Variants in CENPI observed in about 807,000 individuals in gnomAD.
CENPI encodes FSH primary response 1.
In CENPI, 4 loss-of-function variants were observed where a neutral mutation model predicts 60.4. That is an observed-to-expected ratio of 0.07 (90% confidence interval 0.03 to 0.15). The LOEUF is 0.15. CENPI is among the 10% of genes least tolerant of loss of function. The pLI is 1.00. For synonymous variants in CENPI, 157 were observed against 189.4 expected, an observed-to-expected ratio of 0.83 and a Z score of 1.40; for missense variants, 444 against 534.5, an observed-to-expected ratio of 0.83 and a Z score of 1.67.
intron 15 of CENPI, among the ~76,000 whole-genome samples, chrX:101,139,903 T>G (rs1023494028): frequency 5.5e-5 from 6 of 108,874 alleles, no homozygotes; most frequent in Non-Finnish European, 1.1e-4. Context: ...GGCACGATCT[T>G]GGCTCACTGC....
Position 101,126,733 on chromosome X carries a change from T to C in CENPI, c.712T>C (p.Leu238=), listed in dbSNP as rs371098181. ...GGGAATGCAGCCTCATCTCCAGGCT[T>C]TGTTGTCACTGTATAAGTTCTTTGC... The part of the protein sequence containing the change: ...KMGMQPHLQA[L]LSLYKFFAPA... Residue 238 remains leucine (L), a synonymous_variant, in exon 9 of 22, where the codon TTG becomes CTG. Coordinates refer to ENST00000682095, the MANE Select transcript of CENPI (RefSeq NM_001386188.2). 187 of 1,207,634 alleles carry C rather than the reference T, an allele frequency of 1.5e-4. No individual in the cohort carries two copies. Among genetic ancestry groups the C allele is most frequent in the Non-Finnish European group, 2.0e-4 (181 of 893,093 alleles).
chrX:101,160,431 A>G (rs1255821010), intron 20 of CENPI, among the ~76,000 whole-genome samples: 3 of 92,024 alleles, frequency 3.3e-5, no homozygotes, highest in African/African-American at 4.3e-5. Context: ...CCCAGGCTGG[A>G]GTGCAGTGGC....
chrX:101,132,150 A>C, intron 13 of CENPI, 40 bp from the exon 14 acceptor site: 1 of 943,206 alleles, frequency 1.1e-6, no homozygotes, highest in Non-Finnish European at 1.5e-6. Context: ...TTATGACTGA[A>C]GAGTTCCATA....
Position 101,164,433 on chromosome X carries a change from G to C in CENPI, c.*1466G>C, listed in dbSNP as rs753363744. 3.2e-4 allele frequency among the ~76,000 whole-genome samples: 36 copies of C among 111,430 alleles called. No homozygotes were observed. Among genetic ancestry groups the C allele is most frequent in the African/African-American group, 1.2e-3 (36 of 30,655 alleles). On this transcript the variant is annotated 3_prime_UTR_variant, in exon 22 of 22. Coordinates refer to ENST00000682095, the MANE Select transcript of CENPI (RefSeq NM_001386188.2). ...CTGCAACCTCTACTTTCTGGTTCAA[G>C]CAATTCTCCTGCCTCAGCCTCACGA...
intron 18 of CENPI, among the ~76,000 whole-genome samples, chrX:101,147,216 A>AT (rs979060113): frequency 1.8e-5 from 2 of 108,157 alleles, no homozygotes; most frequent in African/African-American, 3.4e-5. Flanking sequence ...GCCTCTGTTA[A>AT]TTTTTTTTTT....
chrX:101,160,251 C>T (rs2090094910), intron 20 of CENPI, among the ~76,000 whole-genome samples: 1 of 111,239 alleles, frequency 9.0e-6, no homozygotes, highest in South Asian at 3.8e-4. Context: ...CTCAAAAACC[C>T]AATGATTTGG....
chrX:101,131,392 C>T (rs1393020423), intron 13 of CENPI, among the ~76,000 whole-genome samples: 1 of 110,831 alleles, frequency 9.0e-6, no homozygotes, highest in Admixed American at 9.8e-5. Context: ...TTTAGGTTGA[C>T]GTTTATGTTT....
chrX:101,127,476 T>C, intron 10 of CENPI, 22 bp from the exon 11 acceptor site: 1 of 1,131,747 alleles, frequency 8.8e-7, no homozygotes, highest in Non-Finnish European at 1.2e-6. Context: ...CATTGATAGA[T>C]TATTTTATTA....
chrX:101,139,971 A>T (rs1457429622), intron 15 of CENPI, among the ~76,000 whole-genome samples: 2 of 109,932 alleles, frequency 1.8e-5, no homozygotes, highest in Non-Finnish European at 3.8e-5. Flanking sequence ...AGTAGTTGGG[A>T]CTACAGGCGC....
chrX:101,114,656 T>G (rs2089597064), intron 6 of CENPI, among the ~76,000 whole-genome samples: 1 of 112,379 alleles, frequency 8.9e-6, no homozygotes, highest in Non-Finnish European at 1.9e-5. Context: ...TTTTTCCCCC[T>G]GAGACAGAGT....
chrX:101,135,560 A>G (rs1426248797), intron 15 of CENPI, among the ~76,000 whole-genome samples: 1 of 112,414 alleles, frequency 8.9e-6, no homozygotes, highest in Non-Finnish European at 1.9e-5. Flanking sequence ...AACTGACTGT[A>G]GCAAAATGCA....
intron 6 of CENPI, among the ~76,000 whole-genome samples, chrX:101,117,055 A>T (rs2089630801): frequency 9.0e-6 from 1 of 111,354 alleles, no homozygotes; most frequent in African/African-American, 3.3e-5. Context: ...TAGGGTTGTA[A>T]GAGTTCTTTC....
intron 6 of CENPI, among the ~76,000 whole-genome samples, chrX:101,111,512 A>ATG (rs2089553098): frequency 1.0e-5 from 1 of 99,082 alleles, no homozygotes; most frequent in African/African-American, 3.9e-5. Flanking sequence ...ATTCTTCATT[A>ATG]TGTTCTTCAT....
intron 8 of CENPI, among the ~76,000 whole-genome samples, chrX:101,122,736 C>T (rs1224232137): frequency 5.4e-5 from 6 of 110,617 alleles, no homozygotes; most frequent in Admixed American, 9.7e-5. Flanking sequence ...AATAGCTGGG[C>T]GTGATGGTGG....
chrX:101,111,143 T>G (rs1486634101), intron 6 of CENPI, among the ~76,000 whole-genome samples: 1 of 110,843 alleles, frequency 9.0e-6, no homozygotes, highest in East Asian at 2.8e-4. Flanking sequence ...CACTGAAAAT[T>G]TTTGGCTAGA....
the CENPI span, among the ~76,000 whole-genome samples, chrX:101,172,797 C>T: frequency 9.0e-6 from 1 of 110,755 alleles, no homozygotes; most frequent in Non-Finnish European, 1.9e-5. Context: ...TATTTTAAGT[C>T]CTTTGGAAAT....
intron 4 of CENPI, among the ~76,000 whole-genome samples, 190 bp from the exon 5 acceptor site, chrX:101,109,283 G>T (rs1402890481): frequency 9.1e-6 from 1 of 109,647 alleles, no homozygotes; most frequent in Non-Finnish European, 1.9e-5. Flanking sequence ...GTTTCTCCAT[G>T]TTGGTCGGGC....
chrX:101,178,406 T>TTTTTTTA, the CENPI span, among the ~76,000 whole-genome samples: 1 of 74,848 alleles, frequency 1.3e-5, no homozygotes, highest in Non-Finnish European at 2.6e-5. Context: ...TTCTTTTTTT[T>TTTTTTTA]TTTTTTTTTT....
rs766318302 is a variant in CENPI, at chrX:101,127,221, T to C, written c.861T>C (p.Pro287=). 1 of 1,197,408 alleles carries C rather than the reference T, an allele frequency of 8.4e-7. No homozygotes were observed. Residue 287 remains proline, a synonymous_variant, in exon 10 of 22, where the codon CCT becomes CCC. Coordinates refer to ENST00000682095, the MANE Select transcript of CENPI (RefSeq NM_001386188.2). ...GAAACCGGGGACCTTCTCCAGAACC[T>C]CTGAAGTTGATGTTAGGTCCAGCTA... The part of the protein sequence containing the change: ...KQRNRGPSPE[P]LKLMLGPANV...
Sources: gnomAD v4.1 joint callset for allele counts (sites outside exome capture counted in the v4.1 genomes callset) on GRCh38, gnomAD v4.1.1 for gene constraint, MANE v1.5 for transcripts, NCBI Gene and HGNC (gene_info 2026-07-23, HGNC 2026-07-21) for gene names.